The following PSMD9 variants were observed in gnomAD, a reference collection of about 807,000 sequenced individuals.
PSMD9 encodes proteasome 26S subunit, non-ATPase 9.
A neutral mutation model predicts 25.9 loss-of-function variants in PSMD9; 26 were observed. The observed-to-expected ratio is 1.00, with a 90% CI of 0.73 to 1.39. The LOEUF is 1.39. Among genes scored for constraint, PSMD9 ranks in the 40% most tolerant of loss-of-function variants. The probability of loss-of-function intolerance (pLI) is 0.00; values close to 1 mark genes in which losing one functional copy is unlikely to be tolerated. For missense variants in PSMD9, 303 were observed against 299.3 expected (o/e 1.01, Z -0.09); for synonymous variants, 110 against 114.5 (o/e 0.96, Z 0.25).
In PSMD9 at chr12:121,894,766, C is replaced by CT; in HGVS notation, c.167dup (p.Val57GlyfsTer4). The CT allele has an allele frequency of 1.2e-6, 2 of 1,614,090 alleles. No homozygotes were observed. The highest frequency in any genetic ancestry group is 1.7e-6 in the Non-Finnish European group (2 of 1,180,016). On this transcript the variant is annotated frameshift_variant, in exon 2 of 6. Transcript: ENST00000541212. LOFTEE classifies it high-confidence loss of function. ...AAAAGGCATTGGGATGAACGAGCCGCTGGTGGACTGTGAGGGCTACCCCCG... is the reference window on the plus strand; with the variant it reads ...AAAAGGCATTGGGATGAACGAGCCGCTTGGTGGACTGTGAGGGCTACCCCCG...
intron 1 of PSMD9, among the ~76,000 whole-genome samples, chr12:121,893,580 G>C (rs1001035844): frequency 1.3e-5 from 2 of 152,180 alleles, no homozygotes; most frequent in African/African-American, 4.8e-5. Context: ...TGCAGGCTCT[G>C]AGAGAGAAGC....
At chr12:121,900,560 G>A (rs1879363992) in intron 3 of PSMD9, among the ~76,000 whole-genome samples, 1 of 146,146 alleles carries the variant, frequency 6.8e-6, no homozygotes, top group Non-Finnish European at 1.5e-5. Context: ...CTGCACTCCA[G>A]CCTGGGCAAC....
intron 1 of PSMD9, among the ~76,000 whole-genome samples, chr12:121,889,308 C>G (rs1460470850): frequency 6.6e-6 from 1 of 152,214 alleles, no homozygotes; most frequent in Non-Finnish European, 1.5e-5. Context: ...GTTACTCTTT[C>G]CATTTTAGGG....
At chr12:121,892,822 A>G (rs1288281097) in intron 1 of PSMD9, among the ~76,000 whole-genome samples, 1 of 152,170 alleles carries the variant, frequency 6.6e-6, no homozygotes, top group East Asian at 1.9e-4. Flanking sequence ...GCAGTGAGCT[A>G]TGAACACACC....
At chr12:121,907,209 A>G (rs1565894378) in intron 4 of PSMD9, among the ~76,000 whole-genome samples, 2 of 151,480 alleles carry the variant, frequency 1.3e-5, no homozygotes, top group Non-Finnish European at 2.9e-5. Context: ...AGTTGGGACT[A>G]CAGGCACCCG....
At position 121,916,280 on chromosome 12, in the gene PSMD9, C is replaced by A. The variant is rs762108833; in HGVS notation, c.645-4C>A. 6.2e-7 allele frequency: 1 copy of A among 1,614,158 alleles called. No homozygotes were observed. Among genetic ancestry groups the A allele is most frequent in the Non-Finnish European group, 8.5e-7 (1 of 1,180,008 alleles). On this transcript the variant is annotated splice_polypyrimidine_tract_variant and splice_region_variant and intron_variant, in intron 5 of 5. Coordinates refer to ENST00000541212, the MANE Select transcript of PSMD9 (RefSeq NM_002813.7). Reference sequence around the variant, plus strand: ...TACGCCATTCCTTTTCTTCTTTCTTCCAGCTGCAACATTATTCCTCTGCAA... The same window carrying A: ...TACGCCATTCCTTTTCTTCTTTCTTACAGCTGCAACATTATTCCTCTGCAA...
intron 4 of PSMD9, among the ~76,000 whole-genome samples, chr12:121,910,632 C>T (rs909725872): frequency 2.0e-5 from 3 of 151,172 alleles, no homozygotes; most frequent in Admixed American, 1.3e-4. Flanking sequence ...TCGTGGTGGG[C>T]GCCTGTAATC....
rs1879964374 is a variant in PSMD9, at chr12:121,917,738, C to T, written c.*1427C>T. The stretch of plus-strand genomic sequence containing the variant: ...TTGACCTGACAGCCATACGTATTCC[C>T]CTCTGGTAGCCACAGACATGCTGTG... On this transcript the variant is annotated 3_prime_UTR_variant, in exon 6 of 6. Coordinates refer to ENST00000541212, the MANE Select transcript of PSMD9 (RefSeq NM_002813.7). 6.6e-6 allele frequency: 1 copy of T among 152,222 alleles called. No individual in the cohort carries two copies. The highest frequency in any genetic ancestry group is 1.5e-5 in the Non-Finnish European group (1 of 68,034). The allele number at this position is 152,222 out of a possible 1,614,324, so 9.4% of individuals were successfully genotyped here.
intron 4 of PSMD9, among the ~76,000 whole-genome samples, chr12:121,908,691 G>C (rs1315058459): frequency 1.3e-5 from 2 of 152,156 alleles, no homozygotes; most frequent in Admixed American, 1.3e-4. Context: ...TGAAGGAAGA[G>C]TGTTAAGAAG....
chr12:121,905,958 A>C lies in PSMD9; in HGVS notation c.555+2851A>C, dbSNP rs554621571. ...AGTTAATCCCTCACCGTCAACTTCC[A>C]GAATGTCATAGAGAGAAAAACCACA... On this transcript the variant is annotated intron_variant, in intron 4 of 5. Coordinates refer to ENST00000541212, the MANE Select transcript of PSMD9 (RefSeq NM_002813.7). 5.5e-4 allele frequency among the ~76,000 whole-genome samples: 84 copies of C among 151,964 alleles called. 2 individuals are homozygous for C. The highest frequency in any genetic ancestry group is 1.8e-3 in the African/African-American group (76 of 41,234).
intron 4 of PSMD9, among the ~76,000 whole-genome samples, chr12:121,910,306 T>C (rs190460292): frequency 1.3e-5 from 2 of 151,396 alleles, no homozygotes; most frequent in African/African-American, 4.8e-5. Flanking sequence ...GGATGGTCTC[T>C]ATCTCTTGAC....
intron 4 of PSMD9, among the ~76,000 whole-genome samples, chr12:121,912,628 G>A (rs1879757934): frequency 6.6e-6 from 1 of 152,118 alleles, no homozygotes; most frequent in Non-Finnish European, 1.5e-5. Context: ...TGCTTTGGGA[G>A]GCTGAGGCGG....
At chr12:121,909,534 C>T (rs905695634) in intron 4 of PSMD9, among the ~76,000 whole-genome samples, 5 of 151,620 alleles carry the variant, frequency 3.3e-5, no homozygotes, top group Admixed American at 1.3e-4. Context: ...TTGCCTAGGC[C>T]GGTCTAGAAC....
chr12:121,889,621 C>T (rs1879001025), intron 1 of PSMD9, among the ~76,000 whole-genome samples: 1 of 152,162 alleles, frequency 6.6e-6, no homozygotes, highest in African/African-American at 2.4e-5. Context: ...GCAGATTCTG[C>T]ATTTGTAGCA....
Position 121,894,861 on chromosome 12 carries a change from G to T in PSMD9, c.241+20G>T. 6.2e-7 allele frequency: 1 copy of T among 1,601,380 alleles called. No homozygotes were observed. Among genetic ancestry groups the T allele is most frequent in the South Asian group, 1.1e-5 (1 of 89,936 alleles). On this transcript the variant is annotated intron_variant, in intron 2 of 5. Coordinates refer to ENST00000541212, the MANE Select transcript of PSMD9 (RefSeq NM_002813.7). ...TCATATGTGAGTGGCCCTCTTAGAA[G>T]ACTTTCCCCACCTTGTGGTGGGAAG...
At chr12:121,916,077 A>C in intron 5 of PSMD9, 133 bp downstream of exon 5, 9 of 1,193,956 alleles carry the variant, frequency 7.5e-6, no homozygotes, top group South Asian at 2.7e-5. Flanking sequence ...ACTGCAGATA[A>C]ATCCTCGTGG....
intron 2 of PSMD9, chr12:121,899,425 G>A: frequency 1.7e-6 from 1 of 578,238 alleles, no homozygotes; most frequent in East Asian, 2.9e-5. Flanking sequence ...GTCATCAGAT[G>A]TTATTGTAAT....
intron 4 of PSMD9, among the ~76,000 whole-genome samples, chr12:121,905,489 G>A (rs1245066841): frequency 6.6e-6 from 1 of 150,710 alleles, no homozygotes; most frequent in Non-Finnish European, 1.5e-5. Flanking sequence ...CTCCCAAAGT[G>A]CTGGGATTAC....
chr12:121,891,115 C>T (rs1245385510), intron 1 of PSMD9, among the ~76,000 whole-genome samples: 4 of 143,704 alleles, frequency 2.8e-5, no homozygotes, highest in South Asian at 4.4e-4. Flanking sequence ...CTTGAGCCAC[C>T]GCGCCAGGCC....
Sources: allele counts gnomAD v4.1 joint callset (sites outside exome capture counted in the v4.1 genomes callset), GRCh38; gene constraint gnomAD v4.1.1; transcripts MANE v1.5; gene names NCBI Gene and HGNC (gene_info 2026-07-23, HGNC 2026-07-21).